The following POU2F1 variants were observed in gnomAD, a reference collection of about 807,000 sequenced individuals.
POU2F1 encodes the protein POU class 2 homeobox 1.
Under a neutral mutation model 84.9 loss-of-function variants are expected in POU2F1, and 16 were observed. That is an observed-to-expected ratio of 0.19 (90% confidence interval 0.13 to 0.29). The LOEUF is 0.29. Ranked by LOEUF, POU2F1 falls within the 10% of genes least tolerant of loss-of-function variation. The pLI, the probability that POU2F1 is intolerant of heterozygous loss-of-function variation, is 1.00. For missense variants in POU2F1, 738 were observed against 942.6 expected, an observed-to-expected ratio of 0.78 and a Z score of 2.84; for synonymous variants, 368 against 368.3, an observed-to-expected ratio of 1.00 and a Z score of 0.01.
Position 167,343,626 on chromosome 1 carries a change from G to A in POU2F1, c.127+11091G>A, listed in dbSNP as rs1363572939. 8.9e-5 allele frequency among the ~76,000 whole-genome samples: 12 copies of A among 134,250 alleles called. No homozygotes were observed. In the Admixed American group the frequency reaches 9.6e-4, roughly 11 times the overall value. 88.1% of individuals were successfully genotyped at this position (134,250 alleles called of 152,430 possible). ...ATAGAGCAATGGCAATAGAAGCCAG[G>A]GGTCAATTTTTTTTTTTTTTTTTTT... On this transcript the variant is annotated intron_variant, in intron 2 of 15. Coordinates refer to ENST00000367866, the MANE Select transcript of POU2F1 (RefSeq NM_002697.4).
chr1:167,246,892 AACTG>A (rs1234002193), intron 1 of POU2F1, among the ~76,000 whole-genome samples: 1 of 152,216 alleles, frequency 6.6e-6, no homozygotes, highest in Non-Finnish European at 1.5e-5. Context: ...ATCAAAATGA[AACTG>A]ACCCAGTAAT....
chr1:167,246,278 G>A (rs1650312350), intron 1 of POU2F1, among the ~76,000 whole-genome samples: 1 of 152,052 alleles, frequency 6.6e-6, no homozygotes, highest in Admixed American at 6.5e-5. Flanking sequence ...ATCAAATGCT[G>A]CTGTTCCCCC....
chr1:167,408,917 TTG>T (rs541850277), intron 13 of POU2F1, among the ~76,000 whole-genome samples: 2 of 152,368 alleles, frequency 1.3e-5, no homozygotes, highest in South Asian at 4.1e-4. Flanking sequence ...TACTATTGAG[TTG>T]TAAGAATTGT....
At chr1:167,398,671 CAA>C (rs1648981909) in intron 11 of POU2F1, among the ~76,000 whole-genome samples, 1 of 152,152 alleles carries the variant, frequency 6.6e-6, no homozygotes, top group Non-Finnish European at 1.5e-5. Context: ...AATATCATAA[CAA>C]AGCTTTTAAG....
chr1:167,384,018 T>G (rs868332297), intron 8 of POU2F1, 67 bp downstream of exon 8: 3 of 1,273,396 alleles, frequency 2.4e-6, no homozygotes, highest in African/African-American at 2.2e-5. Flanking sequence ...TGGACTTTAT[T>G]TAATTTTTTT....
At chr1:167,251,970 G>A (rs1012947789) in intron 1 of POU2F1, among the ~76,000 whole-genome samples, 3 of 150,522 alleles carry the variant, frequency 2.0e-5, no homozygotes, top group South Asian at 2.1e-4. Flanking sequence ...TCAGCCTCCC[G>A]AGTAGCTGGG....
chr1:167,404,743 G>T (rs958820268), intron 13 of POU2F1, among the ~76,000 whole-genome samples: 1 of 152,074 alleles, frequency 6.6e-6, no homozygotes, highest in African/African-American at 2.4e-5. Flanking sequence ...TCTCTGTGAG[G>T]CTCCATCAGA....
chr1:167,317,077 G>A (rs1655959396), intron 1 of POU2F1, among the ~76,000 whole-genome samples: 1 of 152,092 alleles, frequency 6.6e-6, no homozygotes, highest in South Asian at 2.1e-4. Context: ...ATTTTTAGTA[G>A]AGATGGGGTT....
intron 10 of POU2F1, 103 bp from the exon 11 acceptor site, chr1:167,397,891 T>C: frequency 8.2e-7 from 1 of 1,224,720 alleles, no homozygotes. Context: ...TTTTCATACT[T>C]GGATGTAGCT....
chr1:167,260,469 A>G (rs1651475066), intron 1 of POU2F1, among the ~76,000 whole-genome samples: 1 of 152,044 alleles, frequency 6.6e-6, no homozygotes, highest in Non-Finnish European at 1.5e-5. Flanking sequence ...AGATTCTCGT[A>G]TGTTTTCTTA....
At chr1:167,279,558 A>G (rs1652968799) in intron 1 of POU2F1, among the ~76,000 whole-genome samples, 1 of 152,206 alleles carries the variant, frequency 6.6e-6, no homozygotes, top group African/African-American at 2.4e-5. Context: ...TGCAGCTTAA[A>G]TGTTCCAGAG....
At position 167,426,963 on chromosome 1, in the gene POU2F1, A is replaced by G. The variant is rs1487538849; in HGVS notation, c.*11153A>G. 6.6e-6 allele frequency: 1 copy of G among 152,166 alleles called. No individual in the cohort carries two copies. Among genetic ancestry groups the G allele is most frequent in the Non-Finnish European group, 1.5e-5 (1 of 68,036 alleles). The allele number at this position is 152,166 out of a possible 1,614,324, so 9.4% of individuals were successfully genotyped here. ...AGGAATATTTTCTAAGAATCAGCTG[A>G]TAACTTGCGTGCTGGACCTTGTTAT... is the stretch of plus-strand genomic sequence containing the variant. On this transcript the variant is annotated 3_prime_UTR_variant, in exon 16 of 16. Transcript: ENST00000367866.
intron 3 of POU2F1, among the ~76,000 whole-genome samples, chr1:167,368,274 C>T (rs923809185): frequency 1.3e-5 from 2 of 151,010 alleles, no homozygotes; most frequent in Non-Finnish European, 2.9e-5. Context: ...TGATTGTTCC[C>T]TCAACGGCTG....
intron 8 of POU2F1, among the ~76,000 whole-genome samples, chr1:167,388,920 T>A (rs1648182830): frequency 6.6e-6 from 1 of 152,192 alleles, no homozygotes. Flanking sequence ...TTTTAATTTT[T>A]ATTAATTTTT....
At chr1:167,259,138 CT>C (rs1651365110) in intron 1 of POU2F1, among the ~76,000 whole-genome samples, 1 of 152,222 alleles carries the variant, frequency 6.6e-6, no homozygotes, top group South Asian at 2.1e-4. Flanking sequence ...CTTGTTTCTG[CT>C]TCACATGGTT....
At chr1:167,338,885 A>G (rs60324283) in intron 2 of POU2F1, among the ~76,000 whole-genome samples, 26,087 of 152,146 alleles carry the variant, frequency 0.17, 2,364 homozygotes, top group Non-Finnish European at 0.2. Context: ...TTGGTGTACA[A>G]GTATCTGTTT....
At chr1:167,301,711 T>TA (rs1429263348) in intron 1 of POU2F1, among the ~76,000 whole-genome samples, 1 of 152,208 alleles carries the variant, frequency 6.6e-6, no homozygotes, top group Non-Finnish European at 1.5e-5. Context: ...AGGTTTTTCT[T>TA]ACTCCTTACA....
intron 2 of POU2F1, among the ~76,000 whole-genome samples, chr1:167,362,887 A>G (rs1031696222): frequency 6.6e-6 from 1 of 152,220 alleles, no homozygotes; most frequent in African/African-American, 2.4e-5. Flanking sequence ...TGTGTATCAA[A>G]GACATGCTCC....
intron 8 of POU2F1, among the ~76,000 whole-genome samples, chr1:167,387,653 C>T (rs1648081490): frequency 6.6e-6 from 1 of 152,188 alleles, no homozygotes; most frequent in South Asian, 2.1e-4. Context: ...CAGCCACAGA[C>T]TTTATCTGTA....
Sources: gnomAD v4.1 joint callset for allele counts (sites outside exome capture counted in the v4.1 genomes callset) on GRCh38, gnomAD v4.1.1 for gene constraint, MANE v1.5 for transcripts, NCBI Gene and HGNC (gene_info 2026-07-23, HGNC 2026-07-21) for gene names.